Variants in RAB38 observed in about 807,000 individuals in gnomAD.
RAB38 encodes RAB38, member RAS oncogene family.
A neutral mutation model predicts 18.4 loss-of-function variants in RAB38; 15 were observed. That is an observed-to-expected ratio of 0.82 (90% confidence interval 0.55 to 1.26). The LOEUF (loss-of-function observed/expected upper bound fraction) is 1.26. Ranked by LOEUF, RAB38 falls within the 50% of genes most tolerant of loss-of-function variation. The pLI is 0.00. For missense variants in RAB38, 294 were observed against 267.4 expected (o/e 1.10, Z -0.69); for synonymous variants, 101 against 104.4 (o/e 0.97, Z 0.20).
chr11:87,964,602 T>C, the RAB38 span, among the ~76,000 whole-genome samples: 1 of 152,078 alleles, frequency 6.6e-6, no homozygotes, highest in Non-Finnish European at 1.5e-5. Flanking sequence ...GAATTGAGCC[T>C]ATTTAACAAC....
At chr11:87,976,527 TA>T in the RAB38 span, among the ~76,000 whole-genome samples, 3 of 682 alleles carry the variant, frequency 4.4e-3, no homozygotes, top group East Asian at 0.036. Flanking sequence ...ATTTTATATA[TA>T]TTTTTTACAT....
chr11:87,804,389 C>A, the RAB38 span, among the ~76,000 whole-genome samples: 1 of 152,156 alleles, frequency 6.6e-6, no homozygotes, highest in African/African-American at 2.4e-5. Context: ...CATTTGCCTG[C>A]ATACACTGAC....
At chr11:87,949,297 T>G in the RAB38 span, among the ~76,000 whole-genome samples, 1 of 152,198 alleles carries the variant, frequency 6.6e-6, no homozygotes, top group Non-Finnish European at 1.5e-5. Flanking sequence ...TTTGTTAGTT[T>G]TGCTAGCAGT....
the RAB38 span, among the ~76,000 whole-genome samples, chr11:88,037,409 T>G: frequency 6.6e-6 from 1 of 152,078 alleles, no homozygotes; most frequent in African/African-American, 2.4e-5. Context: ...TTGTATTACT[T>G]TGACTTTTTA....
chr11:87,813,149 T>G, the RAB38 span, among the ~76,000 whole-genome samples: 1 of 152,166 alleles, frequency 6.6e-6, no homozygotes, highest in Admixed American at 6.5e-5. Context: ...TCTAAGAGAA[T>G]GCAGATGGTA....
At chr11:88,149,123 G>T (rs1205825795) in intron 2 of RAB38, among the ~76,000 whole-genome samples, 1 of 152,150 alleles carries the variant, frequency 6.6e-6, no homozygotes, top group African/African-American at 2.4e-5. Context: ...CTGCCATCCA[G>T]GGGAAACAGC....
At chr11:88,005,444 G>A in the RAB38 span, among the ~76,000 whole-genome samples, 1 of 151,148 alleles carries the variant, frequency 6.6e-6, no homozygotes, top group Non-Finnish European at 1.5e-5. Context: ...AAATAAATGA[G>A]CAATGAGCTT....
the RAB38 span, among the ~76,000 whole-genome samples, chr11:87,977,854 G>C: frequency 9.5e-6 from 1 of 105,078 alleles, no homozygotes; most frequent in African/African-American, 3.8e-5. Context: ...TTAATGGATA[G>C]TAATATACTT....
chr11:88,167,707 C>G (rs139654705), intron 1 of RAB38: 1 of 152,116 alleles, frequency 6.6e-6, no homozygotes, highest in Non-Finnish European at 1.5e-5. Context: ...TTTAAGATCA[C>G]GTAACTTCTT....
the RAB38 span, among the ~76,000 whole-genome samples, chr11:87,971,383 C>T: frequency 6.6e-6 from 1 of 152,180 alleles, no homozygotes; most frequent in Non-Finnish European, 1.5e-5. Flanking sequence ...TCAGGAAAGA[C>T]AAGAGAGAGC....
the RAB38 span, among the ~76,000 whole-genome samples, chr11:87,908,978 A>G: frequency 1.2e-4 from 19 of 152,108 alleles, no homozygotes; most frequent in Admixed American, 4.6e-4. Context: ...ACTGTAATGG[A>G]AACAATTTAA....
chr11:88,171,901 AT>A (rs1943315726), intron 1 of RAB38, among the ~76,000 whole-genome samples: 1 of 152,248 alleles, frequency 6.6e-6, no homozygotes. Context: ...TCACATCCTA[AT>A]CAAGATAAAA....
At chr11:87,941,253 T>A in the RAB38 span, among the ~76,000 whole-genome samples, 2 of 39,226 alleles carry the variant, frequency 5.1e-5, no homozygotes, top group African/African-American at 2.6e-4. Flanking sequence ...ATATGTAACT[T>A]CTATTTTCTC....
At chr11:87,963,642 TC>T in the RAB38 span, among the ~76,000 whole-genome samples, 1 of 143,966 alleles carries the variant, frequency 6.9e-6, no homozygotes, top group Non-Finnish European at 1.5e-5. Flanking sequence ...GCTGTATATT[TC>T]TTTTTTTCTT....
the RAB38 span, among the ~76,000 whole-genome samples, chr11:87,937,240 T>C: frequency 6.8e-6 from 1 of 147,590 alleles, no homozygotes; most frequent in African/African-American, 2.5e-5. Context: ...CTTATTAATA[T>C]GGTAATTGCA....
At chr11:87,820,766 A>C in the RAB38 span, among the ~76,000 whole-genome samples, 2 of 152,202 alleles carry the variant, frequency 1.3e-5, no homozygotes, top group Non-Finnish European at 2.9e-5. Context: ...TTATAAAATA[A>C]CTCTCTAATA....
At chr11:87,864,987 T>A in the RAB38 span, among the ~76,000 whole-genome samples, 1 of 151,790 alleles carries the variant, frequency 6.6e-6, no homozygotes. Flanking sequence ...ACCATTCTCT[T>A]GTCATCTACG....
chr11:87,899,743 C>A, the RAB38 span, among the ~76,000 whole-genome samples: 31 of 151,704 alleles, frequency 2.0e-4, no homozygotes, highest in African/African-American at 7.2e-4. Flanking sequence ...CCATCCTAAC[C>A]ATTTATGGGC....
chr11:87,893,388 A>ATGTGTG, the RAB38 span, among the ~76,000 whole-genome samples: 6 of 9,356 alleles, frequency 6.4e-4, no homozygotes, highest in Non-Finnish European at 1.5e-3. Flanking sequence ...ATATATATAT[A>ATGTGTG]TATTTTTTTT....
Sources: gnomAD v4.1 joint callset for allele counts (sites outside exome capture counted in the v4.1 genomes callset) on GRCh38, gnomAD v4.1.1 for gene constraint, MANE v1.5 for transcripts, NCBI Gene and HGNC (gene_info 2026-07-23, HGNC 2026-07-21) for gene names.